The following COL26A1 variants were observed in gnomAD, a reference collection of about 807,000 sequenced individuals.
The protein encoded by COL26A1 is collagen alpha-1(XXVI) chain.
Under a neutral mutation model 59.3 loss-of-function variants are expected in COL26A1, and 41 were observed. The ratio of observed to expected loss-of-function variants is 0.69; its 90% CI spans 0.54 to 0.90. The LOEUF is 0.90. Ranked by LOEUF, COL26A1 falls within the 40% of genes least tolerant of loss-of-function variation. The pLI is 0.00. For synonymous variants in COL26A1, 266 were observed against 256.0 expected, an observed-to-expected ratio of 1.04 and a Z score of -0.37; for missense variants, 612 against 602.3, an observed-to-expected ratio of 1.02 and a Z score of -0.17.
chr7:101,491,801 T>C (rs1464731444), intron 3 of COL26A1, among the ~76,000 whole-genome samples: 1 of 152,232 alleles, frequency 6.6e-6, no homozygotes, highest in Non-Finnish European at 1.5e-5. Flanking sequence ...TTTTATGACC[T>C]GTATCTTGTG....
chr7:101,487,023 T>C (rs1347291999), intron 3 of COL26A1, among the ~76,000 whole-genome samples: 3 of 152,116 alleles, frequency 2.0e-5, no homozygotes, highest in Non-Finnish European at 4.4e-5. Flanking sequence ...ATTAAGGGAA[T>C]TCCAGGCAGG....
At chr7:101,482,222 G>A (rs1794171886) in intron 3 of COL26A1, among the ~76,000 whole-genome samples, 1 of 151,876 alleles carries the variant, frequency 6.6e-6, no homozygotes, top group African/African-American at 2.4e-5. Flanking sequence ...TGGCCAGGCT[G>A]GTCTCTAACT....
At chr7:101,398,699 G>A (rs558651596) in intron 1 of COL26A1, among the ~76,000 whole-genome samples, 2 of 152,236 alleles carry the variant, frequency 1.3e-5, no homozygotes, top group African/African-American at 2.4e-5. Context: ...TCTGTACCTC[G>A]GGAAGCAATT....
At chr7:101,436,628 A>G (rs1792922337) in intron 2 of COL26A1, among the ~76,000 whole-genome samples, 1 of 151,828 alleles carries the variant, frequency 6.6e-6, no homozygotes, top group Admixed American at 6.6e-5. Context: ...GGCCACATCC[A>G]CTTTGGAGAC....
rs777583191 is a variant in COL26A1 at position 101,529,828 on chromosome 7, G to T, written c.386-3254G>T. Reference sequence around the variant, plus strand: ...CATTTTCTTTATCCAATCCACCATTGGTGGACGCTTAGGTTCCATCTTGCT... The same window carrying T: ...CATTTTCTTTATCCAATCCACCATTTGTGGACGCTTAGGTTCCATCTTGCT... On this transcript the variant is annotated intron_variant, in intron 3 of 12. Transcript: ENST00000313669. 2.0e-4 allele frequency among the ~76,000 whole-genome samples: 31 copies of T among 152,158 alleles called. No homozygotes were observed. In the Middle Eastern group the frequency reaches 0.01, roughly 50 times the overall value.
chr7:101,539,236 C>T (rs1795550177), intron 4 of COL26A1, among the ~76,000 whole-genome samples: 1 of 151,980 alleles, frequency 6.6e-6, no homozygotes, highest in Non-Finnish European at 1.5e-5. Context: ...TTATACCCAC[C>T]CTTTCACTCT....
At chr7:101,419,541 G>A (rs181890103) in intron 1 of COL26A1, among the ~76,000 whole-genome samples, 4 of 152,162 alleles carry the variant, frequency 2.6e-5, no homozygotes, top group Admixed American at 2.0e-4. Context: ...TCAGTTGGTC[G>A]GTTGGTCGGT....
intron 1 of COL26A1, among the ~76,000 whole-genome samples, chr7:101,369,983 C>T (rs910143348): frequency 6.6e-6 from 1 of 152,122 alleles, no homozygotes; most frequent in African/African-American, 2.4e-5. Context: ...CTGCTTCAGC[C>T]TCCGTAGTAG....
At chr7:101,536,957 G>A (rs907202864) in intron 4 of COL26A1, among the ~76,000 whole-genome samples, 2 of 152,348 alleles carry the variant, frequency 1.3e-5, no homozygotes, top group Non-Finnish European at 2.9e-5. Context: ...CGTTTCATGA[G>A]CCTGTGCTGG....
intron 1 of COL26A1, among the ~76,000 whole-genome samples, chr7:101,412,000 C>T (rs1792251420): frequency 6.6e-6 from 1 of 152,000 alleles, no homozygotes; most frequent in Non-Finnish European, 1.5e-5. Flanking sequence ...ACTCAAGTGT[C>T]CTGGGGAGGG....
At chr7:101,555,689 T>G (rs1584511760) in intron 11 of COL26A1, 98 bp from the exon 12 acceptor site, 3 of 765,350 alleles carry the variant, frequency 3.9e-6, no homozygotes. Flanking sequence ...GAGGCAGGGG[T>G]GGGGGGCTTT....
At chr7:101,447,917 C>T (rs948708082) in intron 3 of COL26A1, 130 bp downstream of exon 3, 76 of 662,720 alleles carry the variant, frequency 1.1e-4, no homozygotes, top group South Asian at 8.7e-5. Flanking sequence ...TTTTCCCAAT[C>T]GCCTCTGAAG....
At chr7:101,387,778 A>ATATATATATTTT (rs773025730) in intron 1 of COL26A1, among the ~76,000 whole-genome samples, 6 of 84,808 alleles carry the variant, frequency 7.1e-5, no homozygotes, top group African/African-American at 3.0e-4. Context: ...ATATATATAT[A>ATATATATATTTT]TTTTTTTTTA....
At chr7:101,376,121 C>T (rs1378862359) in intron 1 of COL26A1, among the ~76,000 whole-genome samples, 3 of 139,936 alleles carry the variant, frequency 2.1e-5, no homozygotes, top group Non-Finnish European at 3.1e-5. Context: ...GGCAATATAG[C>T]AAGACCCTGT....
At chr7:101,402,280 G>C (rs966473315) in intron 1 of COL26A1, among the ~76,000 whole-genome samples, 1 of 152,126 alleles carries the variant, frequency 6.6e-6, no homozygotes, top group East Asian at 1.9e-4. Context: ...ACATTCCTTA[G>C]ATTCTTATCA....
intron 3 of COL26A1, among the ~76,000 whole-genome samples, chr7:101,511,868 C>G (rs1794933857): frequency 6.6e-6 from 1 of 152,220 alleles, no homozygotes; most frequent in South Asian, 2.1e-4. Context: ...TGGTGCACAC[C>G]TGTAGTCCCA....
At position 101,549,152 on chromosome 7, in the gene COL26A1, T is replaced by C. The variant is rs752785146; in HGVS notation, c.941-19T>C. 3.9e-6 allele frequency: 6 copies of C among 1,547,302 alleles called. No individual in the cohort carries two copies. The Admixed American group carries it at 8.2e-5, about 21-fold the overall frequency. On this transcript the variant is annotated intron_variant, in intron 8 of 12. Coordinates refer to ENST00000313669, the MANE Select transcript of COL26A1 (RefSeq NM_001278563.3). ...CCCCCTCTCTGGCCCCAGGTGACCATCTGTGACTCTGCCCACAGGTCCCCC... is the reference window on the plus strand; with the variant it reads ...CCCCCTCTCTGGCCCCAGGTGACCACCTGTGACTCTGCCCACAGGTCCCCC...
Position 101,469,771 on chromosome 7 carries a change from T to C in COL26A1, c.385+21984T>C, listed in dbSNP as rs565072480. ...TCCCAAAGTGATGGGATTACAGGCGTGAACCACCGCGCCCAGCTGGTGTCC... is the reference window on the plus strand; with the variant it reads ...TCCCAAAGTGATGGGATTACAGGCGCGAACCACCGCGCCCAGCTGGTGTCC... On this transcript the variant is annotated intron_variant, in intron 3 of 12. Coordinates refer to ENST00000313669, the MANE Select transcript of COL26A1 (RefSeq NM_001278563.3). 5.9e-5 allele frequency among the ~76,000 whole-genome samples: 9 copies of C among 152,068 alleles called. No homozygotes were observed. In the South Asian group the frequency reaches 1.9e-3, roughly 32 times the overall value.
intron 3 of COL26A1, among the ~76,000 whole-genome samples, chr7:101,491,177 G>T (rs1794452455): frequency 6.6e-6 from 1 of 152,164 alleles, no homozygotes; most frequent in South Asian, 2.1e-4. Context: ...TGCACGGCAT[G>T]GTCAGCTGTG....
Sources: allele counts gnomAD v4.1 joint callset (sites outside exome capture counted in the v4.1 genomes callset), GRCh38; gene constraint gnomAD v4.1.1; transcripts MANE v1.5; gene names NCBI Gene and HGNC (gene_info 2026-07-23, HGNC 2026-07-21).